The following SVIL variants were observed in gnomAD, a reference collection of about 807,000 sequenced individuals.
SVIL encodes archvillin.
Under a neutral mutation model 240.4 loss-of-function variants are expected in SVIL, and 101 were observed. That is an observed-to-expected ratio of 0.42 (90% confidence interval 0.36 to 0.50). SVIL has a LOEUF of 0.50. Among genes scored for constraint, SVIL ranks in the 20% least tolerant of loss-of-function variants. The pLI is 0.01. For missense variants in SVIL, 2,512 were observed against 2,818.7 expected (o/e 0.89, Z 2.46); for synonymous variants, 999 against 1,100.0 (o/e 0.91, Z 1.82).
intron 27 of SVIL, among the ~76,000 whole-genome samples, chr10:29,482,230 C>T (rs10159733): frequency 0.36 from 55,267 of 151,662 alleles, 11,960 homozygotes; most frequent in African/African-American, 0.58. Flanking sequence ...ACAGGGGTCT[C>T]GCTATGTTGC....
chr10:29,537,428 T>C (rs1951821076), intron 6 of SVIL, among the ~76,000 whole-genome samples: 2 of 152,338 alleles, frequency 1.3e-5, no homozygotes, highest in South Asian at 4.1e-4. Context: ...GAACGAGTAA[T>C]TATACCAGGC....
chr10:29,612,247 C>T (rs1030343689), intron 1 of SVIL, among the ~76,000 whole-genome samples: 2 of 152,166 alleles, frequency 1.3e-5, no homozygotes, highest in Non-Finnish European at 2.9e-5. Flanking sequence ...GACTATGGAT[C>T]CTCAACAGCC....
chr10:29,607,907 AG>A (rs1957085693), intron 1 of SVIL, among the ~76,000 whole-genome samples: 1 of 152,238 alleles, frequency 6.6e-6, no homozygotes, highest in South Asian at 2.1e-4. Context: ...AAGAGCTGGG[AG>A]GCTCTTTCCC....
At chr10:29,460,222 A>G (rs1944080724) in intron 36 of SVIL, among the ~76,000 whole-genome samples, 1 of 152,206 alleles carries the variant, frequency 6.6e-6, no homozygotes, top group South Asian at 2.1e-4. Context: ...GTAAAATGGG[A>G]ATAATAATAA....
chr10:29,462,259 G>A lies in SVIL; in HGVS notation c.6402+18C>T. 6.2e-7 allele frequency: 1 copy of A among 1,613,270 alleles called. No individual in the cohort carries two copies. The highest frequency in any genetic ancestry group is 1.3e-5 in the African/African-American group (1 of 75,036). On this transcript the variant is annotated intron_variant, in intron 36 of 37. Coordinates refer to ENST00000355867, the MANE Select transcript of SVIL (RefSeq NM_021738.3). The stretch of plus-strand genomic sequence containing the variant: ...AAGGCGCAGGAGCCACCTTCATAGG[G>A]CAGGAAAGCGTGCTCACCATCTCTG...
rs769551670 is a variant in SVIL, at chr10:29,499,130, C to T, written c.3650G>A (p.Arg1217Lys). The T allele has an allele frequency of 3.7e-6, 6 of 1,602,936 alleles. No homozygotes were observed. Among genetic ancestry groups the T allele is most frequent in the Middle Eastern group, 1.7e-4 (1 of 6,026 alleles). Reference sequence around the variant, plus strand: ...CACACACTGACCTTTCTTCACCATCCTGCCAGCCACAGTGAACTGGGTCGA... The same window carrying T: ...CACACACTGACCTTTCTTCACCATCTTGCCAGCCACAGTGAACTGGGTCGA... ...NDSTQFTVAGRMVKKGLASPT... is the reference protein window; with the variant it reads ...NDSTQFTVAGKMVKKGLASPT... The change falls in exon 18 of 38, where the codon AGG becomes AAG. Residue 1217 changes from arginine to lysine, a missense_variant. Physicochemically the swap from Arg to Lys is conservative, Grantham distance 26 (BLOSUM62 2). Coordinates refer to ENST00000355867, the MANE Select transcript of SVIL (RefSeq NM_021738.3).
At chr10:29,611,328 C>T (rs1260961489) in intron 1 of SVIL, among the ~76,000 whole-genome samples, 14 of 151,976 alleles carry the variant, frequency 9.2e-5, no homozygotes, top group Admixed American at 9.2e-4. Flanking sequence ...GAGGCTTGAT[C>T]TGTTTTAAAC....
intron 2 of SVIL, among the ~76,000 whole-genome samples, chr10:29,676,997 A>T (rs1960254121): frequency 6.6e-6 from 1 of 152,208 alleles, no homozygotes; most frequent in Admixed American, 6.5e-5. Context: ...AGGATGACAA[A>T]GTAACTGGAT....
At chr10:29,727,852 C>G (rs1964386076) in intron 1 of SVIL, among the ~76,000 whole-genome samples, 2 of 152,128 alleles carry the variant, frequency 1.3e-5, no homozygotes, top group African/African-American at 4.8e-5. Flanking sequence ...TGCTAGACCC[C>G]CTGGCTGCTC....
intron 1 of SVIL, among the ~76,000 whole-genome samples, chr10:29,627,466 C>G (rs976430159): frequency 2.0e-4 from 30 of 152,212 alleles, no homozygotes; most frequent in Middle Eastern, 6.8e-3. Flanking sequence ...CCATTGACAC[C>G]TTCAATTTCC....
chr10:29,723,334 C>T (rs1344022077), intron 1 of SVIL, among the ~76,000 whole-genome samples: 1 of 152,198 alleles, frequency 6.6e-6, no homozygotes, highest in Admixed American at 6.5e-5. Flanking sequence ...GAGCTGGGAT[C>T]GTGCTATTGC....
intron 30 of SVIL, among the ~76,000 whole-genome samples, chr10:29,472,710 C>T (rs1945723781): frequency 6.6e-6 from 1 of 151,888 alleles, no homozygotes; most frequent in African/African-American, 2.4e-5. Flanking sequence ...GTTGTGAGGC[C>T]AGTAGCTTTA....
At chr10:29,640,368 C>T (rs770469467) in intron 3 of SVIL, among the ~76,000 whole-genome samples, 2 of 152,198 alleles carry the variant, frequency 1.3e-5, no homozygotes, top group African/African-American at 4.8e-5. Flanking sequence ...TTTCTGATCA[C>T]TCCTCAGTTG....
chr10:29,669,303 T>C (rs1454821924), intron 2 of SVIL, among the ~76,000 whole-genome samples: 2 of 152,092 alleles, frequency 1.3e-5, no homozygotes, highest in African/African-American at 2.4e-5. Flanking sequence ...GGAGTATGAC[T>C]GGTCTGTGCA....
intron 1 of SVIL, among the ~76,000 whole-genome samples, chr10:29,689,997 C>T (rs779724406): frequency 6.6e-6 from 1 of 152,114 alleles, no homozygotes; most frequent in African/African-American, 2.4e-5. Flanking sequence ...AAAAATCTAA[C>T]GTTGGTGACA....
At chr10:29,500,439 T>G (rs540493780) in intron 17 of SVIL, among the ~76,000 whole-genome samples, 1 of 152,252 alleles carries the variant, frequency 6.6e-6, no homozygotes, top group East Asian at 1.9e-4. Flanking sequence ...TCCCTGGCTG[T>G]CACCTGCTGG....
chr10:29,507,810 G>A, intron 17 of SVIL: 9 of 984,978 alleles, frequency 9.1e-6, no homozygotes, highest in Non-Finnish European at 9.6e-6. Flanking sequence ...AGCATATACA[G>A]GTTCCTACAG....
At chr10:29,513,182 G>A (rs1397203962) in intron 16 of SVIL, among the ~76,000 whole-genome samples, 1 of 152,220 alleles carries the variant, frequency 6.6e-6, no homozygotes, top group Admixed American at 6.5e-5. Context: ...CGTCCCCAGA[G>A]AAAAATGTCT....
At chr10:29,667,736 T>C (rs1261515697) in intron 2 of SVIL, among the ~76,000 whole-genome samples, 1 of 151,892 alleles carries the variant, frequency 6.6e-6, no homozygotes, top group Non-Finnish European at 1.5e-5. Context: ...GCGCCTACTG[T>C]CCTAGCTACT....
Sources: gnomAD v4.1 joint callset for allele counts (sites outside exome capture counted in the v4.1 genomes callset) on GRCh38, gnomAD v4.1.1 for gene constraint, MANE v1.5 for transcripts, NCBI Gene and HGNC (gene_info 2026-07-23, HGNC 2026-07-21) for gene names.